PRKCG: variants seen among roughly 807,000 people sequenced by gnomAD.
PRKCG encodes protein kinase C gamma.
A neutral mutation model predicts 82.0 loss-of-function variants in PRKCG; 28 were observed. The ratio of observed to expected loss-of-function variants is 0.34; its 90% CI spans 0.25 to 0.47. The LOEUF is 0.47. Among genes scored for constraint, PRKCG ranks in the 20% least tolerant of loss-of-function variants. The pLI, the probability that PRKCG is intolerant of heterozygous loss-of-function variation, is 1.00. For missense variants in PRKCG, 640 were observed against 952.7 expected, an observed-to-expected ratio of 0.67 and a Z score of 4.32; for synonymous variants, 383 against 376.6, an observed-to-expected ratio of 1.02 and a Z score of -0.20.
At chr19:53,904,607 T>C in intron 15 of PRKCG, 28 bp from the exon 16 acceptor site, 1 of 1,597,628 alleles carries the variant, frequency 6.3e-7, no homozygotes, top group African/African-American at 1.3e-5. Flanking sequence ...GGCATGTCCC[T>C]GACTCTCTAT....
chr19:53,899,830 AC>A (rs1386137831), intron 11 of PRKCG, among the ~76,000 whole-genome samples: 1 of 152,024 alleles, frequency 6.6e-6, no homozygotes, highest in East Asian at 1.9e-4. Context: ...CAGGTGATCC[AC>A]CCGCTTCGGC....
In PRKCG at chr19:53,891,336, G is replaced by A. The variant is rs559358400; in HGVS notation, c.530-338G>A. Among the ~76,000 whole-genome samples, 15 of 151,636 alleles carry A rather than the reference G, an allele frequency of 9.9e-5. No individual in the cohort carries two copies. In the East Asian group the frequency reaches 2.9e-3, roughly 30 times the overall value. The stretch of plus-strand genomic sequence containing the variant: ...GTGACGCCCAGGCTGGAGTGCAGTG[G>A]CGTAATCTCGGCTCACTGCAAGCTC... On this transcript the variant is annotated intron_variant, in intron 5 of 17. Coordinates refer to ENST00000263431, the MANE Select transcript of PRKCG (RefSeq NM_002739.5).
At position 53,882,703 on chromosome 19, in the gene PRKCG, C is replaced by A; in HGVS notation, c.170+39C>A. ...GCTGGGGGACTGGGGGACGAGGGGA[C>A]TAGGGGTGCAGACTCCTATCACGCC... On this transcript the variant is annotated intron_variant, in intron 1 of 17. Coordinates refer to ENST00000263431, the MANE Select transcript of PRKCG (RefSeq NM_002739.5). The surrounding 1 kb of genome is among the most constrained non-coding windows in gnomAD (Gnocchi z 6.1). 6.2e-7 allele frequency: 1 copy of A among 1,604,480 alleles called. No individual in the cohort carries two copies. Among genetic ancestry groups the A allele is most frequent in the Non-Finnish European group, 8.5e-7 (1 of 1,175,446 alleles).
intron 3 of PRKCG, among the ~76,000 whole-genome samples, chr19:53,887,212 T>A (rs567894106): frequency 6.6e-6 from 1 of 152,030 alleles, no homozygotes; most frequent in African/African-American, 2.4e-5. Context: ...AAAAGTAACA[T>A]GCAGGCCAGG....
intron 5 of PRKCG, among the ~76,000 whole-genome samples, chr19:53,890,498 TC>T (rs1431221797): frequency 1.3e-5 from 2 of 151,886 alleles, no homozygotes; most frequent in African/African-American, 4.8e-5. Context: ...CCCCAGGTGA[TC>T]CCCTCGACTC....
At chr19:53,902,240 C>G (rs2068769287) in intron 14 of PRKCG, among the ~76,000 whole-genome samples, 1 of 151,982 alleles carries the variant, frequency 6.6e-6, no homozygotes, top group Non-Finnish European at 1.5e-5. Flanking sequence ...ATGGTGAAAC[C>G]CCGTCTCTAC....
Position 53,906,378 on chromosome 19 carries a change from G to A in PRKCG, c.1826G>A (p.Arg609His), listed in dbSNP as rs1188281451. The A allele has an allele frequency of 2.6e-6, 4 of 1,559,002 alleles. No homozygotes were observed. The highest frequency in any genetic ancestry group is 3.5e-6 in the Non-Finnish European group (4 of 1,150,808). Reference protein sequence around the residue: ...GSGPDGEPTIRAHGFFRWIDW... With the variant: ...GSGPDGEPTIHAHGFFRWIDW... Reference sequence around the variant, plus strand: ...GGGCCTGATGGGGAACCTACCATCCGTGCACATGGCTTTTTCCGCTGGATT... The same window carrying A: ...GGGCCTGATGGGGAACCTACCATCCATGCACATGGCTTTTTCCGCTGGATT... The change falls in exon 17 of 18, where the codon CGT (arginine) becomes CAT (histidine). Residue 609 changes from arginine to histidine, a missense_variant. Coordinates refer to ENST00000263431, the MANE Select transcript of PRKCG (RefSeq NM_002739.5).
intron 15 of PRKCG, among the ~76,000 whole-genome samples, chr19:53,904,027 T>A (rs995357325): frequency 3.9e-5 from 6 of 152,080 alleles, no homozygotes; most frequent in African/African-American, 4.8e-5. Context: ...GTGATTACTA[T>A]TGATAATGAA....
chr19:53,886,646 A>C (rs943854579), intron 3 of PRKCG, among the ~76,000 whole-genome samples: 1 of 151,608 alleles, frequency 6.6e-6, no homozygotes, highest in African/African-American at 2.4e-5. Context: ...TCCTGGTCTC[A>C]CTCGATTCTC....
intron 14 of PRKCG, 42 bp from the exon 15 acceptor site, chr19:53,903,031 C>T (rs1599953560): frequency 6.5e-7 from 1 of 1,529,628 alleles, no homozygotes; most frequent in Non-Finnish European, 9.1e-7. Context: ...CCTAGGCTTC[C>T]TAAAGAACGC....
intron 3 of PRKCG, among the ~76,000 whole-genome samples, chr19:53,886,886 A>G (rs547970931): frequency 3.3e-5 from 5 of 152,216 alleles, no homozygotes; most frequent in Non-Finnish European, 5.9e-5. Context: ...GGAGATGATA[A>G]TTATGCTCAC....
intron 9 of PRKCG, among the ~76,000 whole-genome samples, chr19:53,897,385 C>T (rs1180779733): frequency 6.6e-6 from 1 of 152,126 alleles, no homozygotes; most frequent in African/African-American, 2.4e-5. Flanking sequence ...AGAAGGGACC[C>T]TAGCTGAAAG....
At chr19:53,906,284 T>C (rs1186752536) in intron 16 of PRKCG, 33 bp from the exon 17 acceptor site, 18 of 1,550,618 alleles carry the variant, frequency 1.2e-5, no homozygotes, top group South Asian at 6.0e-5. Flanking sequence ...CTCTGTCTGT[T>C]TGTCTGTCTG....
At chr19:53,894,600 C>T (rs148321190) in intron 9 of PRKCG, among the ~76,000 whole-genome samples, 1,748 of 152,060 alleles carry the variant, frequency 0.011, 34 homozygotes, top group African/African-American at 0.039. Flanking sequence ...GTTGGGATTA[C>T]AGGAGCGCAC....
Position 53,906,833 on chromosome 19 carries a change from C to T in PRKCG, c.2032C>T (p.Pro678Ser). The T allele has an allele frequency of 6.2e-7, 1 of 1,613,752 alleles. No individual in the cohort carries two copies. Among genetic ancestry groups the T allele is most frequent in the Non-Finnish European group, 8.5e-7 (1 of 1,179,998 alleles). The change falls in exon 18 of 18, where the codon CCC becomes TCC. Residue 678 changes from proline to serine, a missense_variant. By Grantham distance (74) the Pro-to-Ser change is moderately conservative. Coordinates refer to ENST00000263431, the MANE Select transcript of PRKCG (RefSeq NM_002739.5). ...ADFQGFTYVN[P>S]DFVHPDARSP... ...TTTCCAGGGCTTCACCTACGTGAAC[C>T]CCGACTTCGTGCACCCGGATGCCCG...
chr19:53,889,555 C>A lies in PRKCG; in HGVS notation c.286-83C>A. Reference sequence around the variant, plus strand: ...CCTCAGGCTGACCTAGAGAGCAAGGCAGGAGGAAAAGATAAAAGGGCCCCT... The same window carrying A: ...CCTCAGGCTGACCTAGAGAGCAAGGAAGGAGGAAAAGATAAAAGGGCCCCT... On this transcript the variant is annotated intron_variant, in intron 3 of 17. Coordinates refer to ENST00000263431, the MANE Select transcript of PRKCG (RefSeq NM_002739.5). The surrounding 1 kb of genome is among the most constrained non-coding windows in gnomAD (Gnocchi z 4.4). The A allele has an allele frequency of 1.0e-6, 1 of 996,612 alleles. No homozygotes were observed. Among genetic ancestry groups the A allele is most frequent in the Non-Finnish European group, 1.6e-6 (1 of 632,734 alleles). 61.7% of individuals were successfully genotyped at this position (996,612 alleles called of 1,614,324 possible).
chr19:53,900,888 C>A lies in PRKCG; in HGVS notation c.1575+139C>A, dbSNP rs930042798. ...GGCCTTCTTACACAGCCAGTCGTTC[C>A]TCCAGCCTCCAGCACAGGTGAGCTT... On this transcript the variant is annotated intron_variant, in intron 14 of 17. Transcript: ENST00000263431. The surrounding 1 kb of genome is among the most constrained non-coding windows in gnomAD (Gnocchi z 4.2). The A allele has an allele frequency of 6.3e-6, 9 of 1,427,884 alleles. No homozygotes were observed. Among genetic ancestry groups the A allele is most frequent in the Admixed American group, 5.0e-5 (3 of 59,412 alleles). The allele number at this position is 1,427,884 out of a possible 1,614,324, so 88.5% of individuals were successfully genotyped here. A position where few individuals can be genotyped will look rare whatever the true frequency, so the allele number is the denominator to read the frequency against.
intron 9 of PRKCG, 101 bp downstream of exon 9, chr19:53,893,492 G>C: frequency 7.7e-7 from 1 of 1,293,426 alleles, no homozygotes; most frequent in South Asian, 1.2e-5. Flanking sequence ...CACATGAGTT[G>C]AGCACACATT....
chr19:53,896,343 G>A (rs1262261747), intron 9 of PRKCG, among the ~76,000 whole-genome samples: 13 of 150,854 alleles, frequency 8.6e-5, no homozygotes, highest in Admixed American at 8.0e-4. Flanking sequence ...AGCTAGGTAC[G>A]GGGCTAACAA....
Sources: allele counts gnomAD v4.1 joint callset (sites outside exome capture counted in the v4.1 genomes callset), GRCh38; gene constraint gnomAD v4.1.1; non-coding constraint Gnocchi (gnomAD v3.1); transcripts MANE v1.5; gene names NCBI Gene and HGNC (gene_info 2026-07-23, HGNC 2026-07-21).